Variants in TMTC1 observed in about 807,000 individuals in gnomAD.
TMTC1 encodes protein O-mannosyl-transferase TMTC1.
TMTC1 carries 73 observed loss-of-function variants against 104.8 expected under a neutral mutation model. That is an observed-to-expected ratio of 0.70 (90% CI 0.58 to 0.85). The LOEUF (loss-of-function observed/expected upper bound fraction) is 0.85, where lower values mean the gene tolerates loss of function less well. Among genes scored for constraint, TMTC1 ranks in the 40% least tolerant of loss-of-function variants. The pLI, the probability that TMTC1 is intolerant of heterozygous loss-of-function variation, is 0.00. For missense variants in TMTC1, 1,035 were observed against 1,096.1 expected, an observed-to-expected ratio of 0.94 and a Z score of 0.79; for synonymous variants, 434 against 428.7, an observed-to-expected ratio of 1.01 and a Z score of -0.15.
At chr12:29,728,117 T>C (rs1466714937) in intron 5 of TMTC1, among the ~76,000 whole-genome samples, 1 of 152,154 alleles carries the variant, frequency 6.6e-6, no homozygotes, top group African/African-American at 2.4e-5. Flanking sequence ...GTTTGCAAAA[T>C]AAATGACATA....
At position 29,688,065 on chromosome 12, in the gene TMTC1, G is replaced by T. The variant is rs563550599; in HGVS notation, c.939-54729C>A. 8.5e-5 allele frequency among the ~76,000 whole-genome samples: 13 copies of T among 152,222 alleles called. No individual in the cohort carries two copies. The South Asian group carries it at 2.7e-3, about 32-fold the overall frequency. On this transcript the variant is annotated intron_variant, in intron 5 of 17. Coordinates refer to ENST00000539277, the MANE Select transcript of TMTC1 (RefSeq NM_001193451.2). ...CACTGAAACATTTAGGAGGAAAGGGGTATAATGTCTAAAACATTCAAAAGA... is the reference window on the plus strand; with the variant it reads ...CACTGAAACATTTAGGAGGAAAGGGTTATAATGTCTAAAACATTCAAAAGA...
intron 1 of TMTC1, among the ~76,000 whole-genome samples, chr12:29,773,661 T>C (rs2120583612): frequency 6.6e-6 from 1 of 152,280 alleles, no homozygotes; most frequent in Middle Eastern, 3.4e-3. Flanking sequence ...AGCAAAATTT[T>C]AGAGGGCTGC....
At chr12:29,756,510 CT>C (rs970073773) in intron 3 of TMTC1, among the ~76,000 whole-genome samples, 4 of 152,086 alleles carry the variant, frequency 2.6e-5, no homozygotes, top group African/African-American at 9.7e-5. Context: ...CTATTTTAAC[CT>C]TTTTTTCTTT....
At chr12:29,683,846 T>C (rs1941002873) in intron 5 of TMTC1, among the ~76,000 whole-genome samples, 1 of 107,162 alleles carries the variant, frequency 9.3e-6, no homozygotes, top group Non-Finnish European at 1.9e-5. Flanking sequence ...TTTCCTATCA[T>C]TTTTTTTTTT....
At chr12:29,611,093 T>C (rs538691601) in intron 6 of TMTC1, among the ~76,000 whole-genome samples, 4 of 152,262 alleles carry the variant, frequency 2.6e-5, no homozygotes, top group South Asian at 4.1e-4. Context: ...CCAGATGTAC[T>C]AATGAACAGA....
chr12:29,636,187 T>C (rs866454268), intron 5 of TMTC1, among the ~76,000 whole-genome samples: 19 of 152,320 alleles, frequency 1.2e-4, no homozygotes, highest in Non-Finnish European at 2.2e-4. Flanking sequence ...AGGTGGGATA[T>C]GGATGAAACA....
intron 7 of TMTC1, among the ~76,000 whole-genome samples, chr12:29,597,627 GAA>G (rs35882753): frequency 2.5e-3 from 353 of 139,802 alleles, no homozygotes; most frequent in African/African-American, 7.8e-3. Context: ...CATAAAATGT[GAA>G]AAAAAAAAAA....
At chr12:29,780,284 A>G (rs1451407645) in intron 1 of TMTC1, among the ~76,000 whole-genome samples, 1 of 152,266 alleles carries the variant, frequency 6.6e-6, no homozygotes, top group Non-Finnish European at 1.5e-5. Context: ...AAACTGTGGT[A>G]TATCCATACA....
At position 29,637,549 on chromosome 12, in the gene TMTC1, T is replaced by C. The variant is rs139187761; in HGVS notation, c.939-4213A>G. 1.3e-3 allele frequency among the ~76,000 whole-genome samples: 201 copies of C among 152,302 alleles called. 1 individual carries two copies. The highest frequency in any genetic ancestry group is 4.4e-3 in the African/African-American group (183 of 41,570). On this transcript the variant is annotated intron_variant, in intron 5 of 17. Transcript: ENST00000539277. The stretch of plus-strand genomic sequence containing the variant: ...GCCAGAAAAGAGTAAAGAGGTTTCA[T>C]GGCCGAAAAACATGAAAGGGAAAGG...
At chr12:29,557,472 C>T (rs963751124) in intron 9 of TMTC1, among the ~76,000 whole-genome samples, 12 of 152,254 alleles carry the variant, frequency 7.9e-5, no homozygotes, top group Admixed American at 5.9e-4. Flanking sequence ...AACAAAAAAA[C>T]GGAGTTTTGC....
At chr12:29,508,758 A>G (rs1462994586) in intron 17 of TMTC1, among the ~76,000 whole-genome samples, 2 of 152,062 alleles carry the variant, frequency 1.3e-5, no homozygotes, top group Non-Finnish European at 2.9e-5. Context: ...GTATTTTTGT[A>G]GTAGACAAAG....
chr12:29,545,316 T>C (rs1944909340), intron 10 of TMTC1, among the ~76,000 whole-genome samples: 1 of 152,216 alleles, frequency 6.6e-6, no homozygotes, highest in Non-Finnish European at 1.5e-5. Context: ...TGGATAATTC[T>C]ATGAGATCAC....
At chr12:29,571,122 T>C (rs1945664687) in intron 9 of TMTC1, among the ~76,000 whole-genome samples, 1 of 152,092 alleles carries the variant, frequency 6.6e-6, no homozygotes, top group South Asian at 2.1e-4. Context: ...AGTGAAACCG[T>C]TTCAGGAAAT....
intron 7 of TMTC1, among the ~76,000 whole-genome samples, chr12:29,594,712 C>G (rs1043804397): frequency 6.6e-6 from 1 of 152,210 alleles, no homozygotes; most frequent in Admixed American, 6.5e-5. Context: ...ATCCTCCCCG[C>G]AAAGTTACGG....
At chr12:29,639,872 G>A (rs1207429004) in intron 5 of TMTC1, among the ~76,000 whole-genome samples, 1 of 152,162 alleles carries the variant, frequency 6.6e-6, no homozygotes, top group African/African-American at 2.4e-5. Flanking sequence ...CAAAAGAAAA[G>A]GAAATCAAGA....
intron 5 of TMTC1, among the ~76,000 whole-genome samples, chr12:29,743,538 A>G (rs1375620805): frequency 6.6e-6 from 1 of 152,204 alleles, no homozygotes; most frequent in Non-Finnish European, 1.5e-5. Context: ...ATTTCATTTA[A>G]GCATGTATAT....
At chr12:29,552,626 A>G (rs1945136938) in intron 10 of TMTC1, among the ~76,000 whole-genome samples, 1 of 152,190 alleles carries the variant, frequency 6.6e-6, no homozygotes, top group Non-Finnish European at 1.5e-5. Context: ...GGACTTTGGC[A>G]TGTTACTTAT....
intron 3 of TMTC1, among the ~76,000 whole-genome samples, chr12:29,756,266 G>A (rs2136986528): frequency 6.6e-6 from 1 of 152,328 alleles, no homozygotes; most frequent in Admixed American, 6.5e-5. Flanking sequence ...TCAATTAACA[G>A]GATAATATGG....
At chr12:29,639,274 T>A (rs957066525) in intron 5 of TMTC1, among the ~76,000 whole-genome samples, 4 of 152,126 alleles carry the variant, frequency 2.6e-5, no homozygotes, top group Middle Eastern at 3.4e-3. Context: ...TAATGAGAAA[T>A]GGAAGATGAA....
Sources: allele counts gnomAD v4.1 joint callset (sites outside exome capture counted in the v4.1 genomes callset), GRCh38; gene constraint gnomAD v4.1.1; transcripts MANE v1.5; gene names NCBI Gene and HGNC (gene_info 2026-07-23, HGNC 2026-07-21).